ZNF536: variants seen among roughly 807,000 people sequenced by gnomAD.
ZNF536 encodes the protein zinc finger protein 536.
A neutral mutation model predicts 84.5 loss-of-function variants in ZNF536; 13 were observed. The observed-to-expected ratio is 0.15, with a 90% CI of 0.10 to 0.24. The LOEUF is 0.24. Among genes scored for constraint, ZNF536 ranks in the 10% least tolerant of loss-of-function variants. The probability of loss-of-function intolerance (pLI) is 1.00; values close to 1 mark genes in which losing one functional copy is unlikely to be tolerated. For missense variants in ZNF536, 1,536 were observed against 1,747.5 expected, an observed-to-expected ratio of 0.88 and a Z score of 2.16; for synonymous variants, 811 against 742.5, an observed-to-expected ratio of 1.09 and a Z score of -1.50.
rs183902148 is a variant in ZNF536 at position 30,386,417 on chromosome 19, C to T, written c.-3+13861C>T. 3.0e-4 allele frequency among the ~76,000 whole-genome samples: 45 copies of T among 152,314 alleles called. 1 individual carries two copies. The highest frequency in any genetic ancestry group is 1.1e-3 in the African/African-American group (44 of 41,560). ...TTTGAGATAGGGTCTCACTCTGTCA[C>T]CCAGGCTGGAGTGCAGTGGAGTGAT... On this transcript the variant is annotated intron_variant, in intron 1 of 4. Transcript: ENST00000355537.
At chr19:30,687,461 A>C (rs1331601891) in intron 1 of ZNF536, among the ~76,000 whole-genome samples, 2 of 152,158 alleles carry the variant, frequency 1.3e-5, no homozygotes, top group Non-Finnish European at 2.9e-5. Context: ...AGCTGAATTT[A>C]TTTTACTTGG....
chr19:30,596,758 G>A (rs552189901), intron 1 of ZNF536, among the ~76,000 whole-genome samples: 3 of 151,182 alleles, frequency 2.0e-5, no homozygotes, highest in South Asian at 4.2e-4. Context: ...CTTTTTTTGC[G>A]AGTGTGTGTG....
chr19:30,286,767 A>C lies in ZNF536; in HGVS notation c.-120+2626A>C, dbSNP rs557743939. On this transcript the variant is annotated intron_variant, in intron 2 of 5. Transcript: ENST00000585628. ...TCTTGATACGTGTGCACCCACATACATGTATATATTTAAATCAAGGATATA... is the reference window on the plus strand; with the variant it reads ...TCTTGATACGTGTGCACCCACATACCTGTATATATTTAAATCAAGGATATA... Among the ~76,000 whole-genome samples the C allele has an allele frequency of 4.1e-4, 63 of 152,354 alleles. 1 individual carries two copies. Among genetic ancestry groups the C allele is most frequent in the African/African-American group, 1.4e-3 (60 of 41,580 alleles).
chr19:30,454,394 A>G (rs1600804476), intron 2 of ZNF536, among the ~76,000 whole-genome samples: 1 of 152,346 alleles, frequency 6.6e-6, no homozygotes, highest in African/African-American at 2.4e-5. Flanking sequence ...GTTGTCCTCA[A>G]TCATCTTGAG....
chr19:30,420,664 CT>C (rs781373040), intron 1 of ZNF536, among the ~76,000 whole-genome samples: 12 of 150,778 alleles, frequency 8.0e-5, no homozygotes, highest in Middle Eastern at 3.4e-3. Context: ...CCTAAATTCT[CT>C]TTTTTTTTGC....
intron 1 of ZNF536, among the ~76,000 whole-genome samples, chr19:30,432,006 T>TATATATATACACAC (rs149223384): frequency 5.5e-5 from 8 of 145,988 alleles, no homozygotes; most frequent in African/African-American, 2.1e-4. Context: ...TATATATATA[T>TATATATATACACAC]ACACACACAC....
At chr19:30,594,922 C>T (rs1240331804) in intron 1 of ZNF536, among the ~76,000 whole-genome samples, 1 of 152,110 alleles carries the variant, frequency 6.6e-6, no homozygotes, top group African/African-American at 2.4e-5. Context: ...GCCCCGAAGG[C>T]CAACCCAGGG....
intron 2 of ZNF536, among the ~76,000 whole-genome samples, chr19:30,301,536 A>G (rs1214869206): frequency 6.6e-6 from 1 of 152,188 alleles, no homozygotes; most frequent in Non-Finnish European, 1.5e-5. Context: ...GAAAGGAAGG[A>G]TGAGGTGAGA....
chr19:30,368,480 G>A (rs576897525), upstream of ZNF536, among the ~76,000 whole-genome samples: 10 of 152,304 alleles, frequency 6.6e-5, no homozygotes, highest in East Asian at 1.4e-3. Context: ...ATGTGCCTGC[G>A]AGGGCAACAG....
chr19:30,663,391 T>C (rs1386229304), intron 1 of ZNF536, among the ~76,000 whole-genome samples: 1 of 152,228 alleles, frequency 6.6e-6, no homozygotes, highest in East Asian at 1.9e-4. Context: ...ATATGGTATA[T>C]GCATACAGTA....
chr19:30,346,239 T>C (rs1487361868), intron 2 of ZNF536, among the ~76,000 whole-genome samples: 2 of 152,174 alleles, frequency 1.3e-5, no homozygotes, highest in African/African-American at 4.8e-5. Context: ...TATCAGCTCA[T>C]ATGGGAGAAG....
At chr19:30,236,149 A>C (rs2023482124) in intron 1 of ZNF536, among the ~76,000 whole-genome samples, 1 of 152,226 alleles carries the variant, frequency 6.6e-6, no homozygotes, top group African/African-American at 2.4e-5. Context: ...AAAGGATTTA[A>C]TCTGCGCAGC....
At chr19:30,310,954 G>A (rs535992808) in intron 2 of ZNF536, among the ~76,000 whole-genome samples, 4 of 152,284 alleles carry the variant, frequency 2.6e-5, no homozygotes, top group African/African-American at 4.8e-5. Flanking sequence ...TCAGGGCCCC[G>A]GCTCCCTTGC....
intron 1 of ZNF536, among the ~76,000 whole-genome samples, chr19:30,271,366 C>T (rs904370623): frequency 8.0e-6 from 1 of 124,628 alleles, no homozygotes; most frequent in African/African-American, 3.1e-5. Context: ...TTGGCAGTTA[C>T]TATTTCTTCT....
chr19:30,550,504 A>G (rs7250841), intron 4 of ZNF536, among the ~76,000 whole-genome samples: 5 of 152,086 alleles, frequency 3.3e-5, no homozygotes, highest in Non-Finnish European at 5.9e-5. Context: ...TACATTTCCA[A>G]CTGTAATTTA....
intron 2 of ZNF536, among the ~76,000 whole-genome samples, chr19:30,340,146 G>A (rs1346650088): frequency 6.6e-6 from 1 of 152,176 alleles, no homozygotes; most frequent in Non-Finnish European, 1.5e-5. Context: ...ACCTGGTCTC[G>A]TGGGCTGACT....
At chr19:30,332,598 C>T (rs79288726) in intron 2 of ZNF536, among the ~76,000 whole-genome samples, 2,382 of 152,262 alleles carry the variant, frequency 0.016, 68 homozygotes, top group African/African-American at 0.054. Flanking sequence ...TCAGACTTCC[C>T]CAGTTGCTGG....
chr19:30,617,585 C>T (rs191140600), intron 1 of ZNF536, among the ~76,000 whole-genome samples: 45 of 151,700 alleles, frequency 3.0e-4, no homozygotes, highest in Admixed American at 1.9e-3. Context: ...CTCCTGACCT[C>T]GTGATCTGCC....
chr19:30,338,785 G>T (rs745459033), intron 2 of ZNF536, among the ~76,000 whole-genome samples: 2 of 152,170 alleles, frequency 1.3e-5, no homozygotes, highest in African/African-American at 4.8e-5. Flanking sequence ...TAACTAGTGA[G>T]TATTAGTTCT....
Sources: gnomAD v4.1 joint callset for allele counts (sites outside exome capture counted in the v4.1 genomes callset) on GRCh38, gnomAD v4.1.1 for gene constraint, MANE v1.5 for transcripts, NCBI Gene and HGNC (gene_info 2026-07-23, HGNC 2026-07-21) for gene names.